The following CTNND2 variants were observed in gnomAD, a reference collection of about 807,000 sequenced individuals.
CTNND2 encodes the protein catenin delta-2.
Under a neutral mutation model 144.4 loss-of-function variants are expected in CTNND2, and 22 were observed. The observed-to-expected ratio is 0.15, with a 90% CI of 0.11 to 0.22. The LOEUF is 0.22. Among genes scored for constraint, CTNND2 ranks in the 10% least tolerant of loss-of-function variants. The probability of loss-of-function intolerance (pLI) is 1.00; values close to 1 mark genes in which losing one functional copy is unlikely to be tolerated. For missense variants in CTNND2, 1,353 were observed against 1,618.8 expected, an observed-to-expected ratio of 0.84 and a Z score of 2.82; for synonymous variants, 751 against 695.6, an observed-to-expected ratio of 1.08 and a Z score of -1.25.
At chr5:11,456,492 T>C (rs985478580) in intron 3 of CTNND2, among the ~76,000 whole-genome samples, 2 of 152,120 alleles carry the variant, frequency 1.3e-5, no homozygotes, top group Non-Finnish European at 2.9e-5. Context: ...GAGAACTACG[T>C]CACGTGAGTT....
At position 11,515,441 on chromosome 5, in the gene CTNND2, T is replaced by C. The variant is rs1772081762; in HGVS notation, c.287+49503A>G. Among the ~76,000 whole-genome samples the C allele has an allele frequency of 2.6e-5, 4 of 152,230 alleles. 1 individual carries two copies. The South Asian group carries it at 8.3e-4, about 32-fold the overall frequency. On this transcript the variant is annotated intron_variant, in intron 3 of 21. Transcript: ENST00000304623. Reference sequence around the variant, plus strand: ...TTTCCCAGCAGTGCCTCCACTTGACTAGGTAGTATGTAAATGTGCATAAAC... The same window carrying C: ...TTTCCCAGCAGTGCCTCCACTTGACCAGGTAGTATGTAAATGTGCATAAAC...
intron 1 of CTNND2, among the ~76,000 whole-genome samples, chr5:11,901,103 A>C (rs1251841413): frequency 6.6e-6 from 1 of 152,244 alleles, no homozygotes; most frequent in Admixed American, 6.5e-5. Context: ...ACACTGGTCC[A>C]TACATAGTGT....
chr5:11,083,502 T>G (rs1236087234), intron 15 of CTNND2, among the ~76,000 whole-genome samples: 2 of 152,190 alleles, frequency 1.3e-5, no homozygotes, highest in Non-Finnish European at 2.9e-5. Context: ...GACATGAAAT[T>G]TGTTTTGGGT....
chr5:11,470,784 T>A (rs370176791), intron 3 of CTNND2, among the ~76,000 whole-genome samples: 20 of 151,802 alleles, frequency 1.3e-4, no homozygotes, highest in African/African-American at 4.6e-4. Flanking sequence ...ACTATTAGGA[T>A]TCATCTGAGA....
At chr5:11,539,766 G>A (rs1774559736) in intron 3 of CTNND2, among the ~76,000 whole-genome samples, 1 of 152,206 alleles carries the variant, frequency 6.6e-6, no homozygotes, top group Non-Finnish European at 1.5e-5. Flanking sequence ...GGGTGTGATG[G>A]CTCATGCCTG....
chr5:11,398,988 A>G (rs1760391205), intron 5 of CTNND2, among the ~76,000 whole-genome samples: 1 of 152,234 alleles, frequency 6.6e-6, no homozygotes, highest in African/African-American at 2.4e-5. Context: ...GAGACTAACC[A>G]TAAAGCGGAG....
chr5:11,018,465 C>A (rs852628), intron 17 of CTNND2, among the ~76,000 whole-genome samples: 1 of 152,142 alleles, frequency 6.6e-6, no homozygotes, highest in Non-Finnish European at 1.5e-5. Flanking sequence ...GAGGAAGGCA[C>A]GCCACAACCC....
chr5:11,799,375 G>T (rs1259034549), intron 1 of CTNND2, among the ~76,000 whole-genome samples: 3 of 152,058 alleles, frequency 2.0e-5, no homozygotes, highest in Non-Finnish European at 4.4e-5. Flanking sequence ...AAAGATATGG[G>T]TTCCTTGGCA....
intron 3 of CTNND2, among the ~76,000 whole-genome samples, chr5:11,558,381 T>TGTGTGTGTGA (rs780585746): frequency 1.0e-4 from 4 of 39,374 alleles, no homozygotes; most frequent in South Asian, 1.0e-3. Context: ...TGTGTGTGTG[T>TGTGTGTGTGA]GACACACAAG....
intron 1 of CTNND2, among the ~76,000 whole-genome samples, chr5:11,839,411 C>T (rs1190415932): frequency 6.6e-6 from 1 of 152,016 alleles, no homozygotes; most frequent in Non-Finnish European, 1.5e-5. Flanking sequence ...TAACAAACTA[C>T]CCCAGATTTA....
At chr5:11,725,488 T>C (rs562417340) in intron 2 of CTNND2, among the ~76,000 whole-genome samples, 1 of 152,206 alleles carries the variant, frequency 6.6e-6, no homozygotes, top group Non-Finnish European at 1.5e-5. Context: ...GAATACTATC[T>C]AACTTGACCT....
At chr5:11,604,915 GC>G (rs2126349346) in intron 2 of CTNND2, among the ~76,000 whole-genome samples, 1 of 152,296 alleles carries the variant, frequency 6.6e-6, no homozygotes, top group Admixed American at 6.5e-5. Flanking sequence ...ATTTATCTGT[GC>G]TTTAAGAATG....
chr5:11,299,515 C>T (rs1402752551), intron 9 of CTNND2, among the ~76,000 whole-genome samples: 1 of 152,156 alleles, frequency 6.6e-6, no homozygotes, highest in Non-Finnish European at 1.5e-5. Flanking sequence ...GCAGCAGCCT[C>T]TCCCGTTCCC....
chr5:11,080,936 G>A (rs1015133127), intron 16 of CTNND2, among the ~76,000 whole-genome samples: 12 of 152,120 alleles, frequency 7.9e-5, no homozygotes, highest in African/African-American at 2.7e-4. Flanking sequence ...AATTAGTTGG[G>A]CATGGTGGCA....
In CTNND2 at chr5:11,241,698, G is replaced by A. The variant is rs957121521; in HGVS notation, c.1629-4875C>T. Among the ~76,000 whole-genome samples, 4 of 152,164 alleles carry A rather than the reference G, an allele frequency of 2.6e-5. No individual in the cohort carries two copies. The East Asian group carries it at 5.8e-4, about 22-fold the overall frequency. ...TTTTGTTTCGCTTAGATGAGATTCC[G>A]TTTGGTTTTCTTTTTGCTGATCATG... On this transcript the variant is annotated intron_variant, in intron 9 of 21. Coordinates refer to ENST00000304623, the MANE Select transcript of CTNND2 (RefSeq NM_001332.4).
intron 3 of CTNND2, among the ~76,000 whole-genome samples, chr5:11,444,266 C>T (rs982412022): frequency 1.3e-5 from 2 of 152,106 alleles, no homozygotes; most frequent in Non-Finnish European, 2.9e-5. Context: ...AGAGAATACA[C>T]AAAGCATTTT....
At chr5:11,855,428 G>A (rs536912425) in intron 1 of CTNND2, among the ~76,000 whole-genome samples, 35 of 152,274 alleles carry the variant, frequency 2.3e-4, no homozygotes, top group African/African-American at 7.7e-4. Flanking sequence ...ACTATGATAC[G>A]TGCTCAACAG....
In CTNND2 at chr5:11,203,599, T is replaced by C. The variant is rs182136259; in HGVS notation, c.1762-3938A>G. Among the ~76,000 whole-genome samples, 49 of 152,258 alleles carry C rather than the reference T, an allele frequency of 3.2e-4. No individual in the cohort carries two copies. The East Asian group carries it at 7.9e-3, about 25-fold the overall frequency. ...CATGTTGCCCAGGCTGGTCTTCAAC[T>C]CCTAGGCTCAAGCGATTTATCCGCC... On this transcript the variant is annotated intron_variant, in intron 10 of 21. Coordinates refer to ENST00000304623, the MANE Select transcript of CTNND2 (RefSeq NM_001332.4).
At chr5:10,983,417 T>C (rs1737546511) in intron 20 of CTNND2, among the ~76,000 whole-genome samples, 2 of 152,210 alleles carry the variant, frequency 1.3e-5, no homozygotes, top group Non-Finnish European at 2.9e-5. Context: ...AGGATCACTC[T>C]ACCTATAGGC....
Sources: gnomAD v4.1 joint callset for allele counts (sites outside exome capture counted in the v4.1 genomes callset) on GRCh38, gnomAD v4.1.1 for gene constraint, MANE v1.5 for transcripts, NCBI Gene and HGNC (gene_info 2026-07-23, HGNC 2026-07-21) for gene names.